SLCO1B1: variants seen among roughly 807,000 people sequenced by gnomAD.
SLCO1B1 encodes solute carrier organic anion transporter family member 1B1.
A neutral mutation model predicts 70.1 loss-of-function variants in SLCO1B1; 81 were observed. The ratio of observed to expected loss-of-function variants is 1.16; its 90% CI spans 0.97 to 1.39. The LOEUF (loss-of-function observed/expected upper bound fraction) is 1.39, where lower values mean the gene tolerates loss of function less well. Ranked by LOEUF, SLCO1B1 falls within the 40% of genes most tolerant of loss-of-function variation. The pLI, the probability that SLCO1B1 is intolerant of heterozygous loss-of-function variation, is 0.00. For synonymous variants in SLCO1B1, 283 were observed against 271.5 expected (o/e 1.04, Z -0.42); for missense variants, 895 against 799.6 (o/e 1.12, Z -1.44).
chr12:21,209,330 C>T (rs185714093), intron 11 of SLCO1B1, among the ~76,000 whole-genome samples: 2,496 of 151,818 alleles, frequency 0.016, 66 homozygotes, highest in African/African-American at 0.057. Context: ...GTTCTTGCAA[C>T]AGTTTACTGA....
intron 7 of SLCO1B1, among the ~76,000 whole-genome samples, chr12:21,186,446 G>C (rs113705801): frequency 0.069 from 10,437 of 151,914 alleles, 492 homozygotes; most frequent in Non-Finnish European, 0.1. Context: ...TGTGATTCTT[G>C]TGCGTTTTTA....
chr12:21,200,693 G>C (rs772419026), intron 9 of SLCO1B1, 21 bp downstream of exon 9: 6 of 1,600,546 alleles, frequency 3.7e-6, no homozygotes, highest in East Asian at 2.2e-5. Context: ...TTTTTTACTT[G>C]TGTGCTTAAT....
chr12:21,158,425 G>A lies in SLCO1B1; in HGVS notation c.85-14225G>A, dbSNP rs546810165. 5.7e-4 allele frequency among the ~76,000 whole-genome samples: 87 copies of A among 152,274 alleles called. No homozygotes were observed. In the Middle Eastern group the frequency reaches 0.01, roughly 18 times the overall value. ...AAATTTCTCACATTAGGCTAGGTGC[G>A]TGGCTCATGCCTGTAATCCCAGCAC... is the stretch of plus-strand genomic sequence containing the variant. On this transcript the variant is annotated intron_variant, in intron 2 of 14. Transcript: ENST00000256958.
At chr12:21,193,544 T>C (rs1036840430) in intron 7 of SLCO1B1, among the ~76,000 whole-genome samples, 2 of 152,212 alleles carry the variant, frequency 1.3e-5, no homozygotes, top group Non-Finnish European at 2.9e-5. Flanking sequence ...ACTTAAAAAA[T>C]CATTTTATAA....
At chr12:21,214,833 CT>C (rs1370894944) in intron 11 of SLCO1B1, among the ~76,000 whole-genome samples, 5 of 152,266 alleles carry the variant, frequency 3.3e-5, no homozygotes, top group East Asian at 1.9e-4. Flanking sequence ...TTTCCAGGTG[CT>C]GTCCGTCACC....
chr12:21,214,245 G>A (rs1941326682), intron 11 of SLCO1B1, among the ~76,000 whole-genome samples: 1 of 151,942 alleles, frequency 6.6e-6, no homozygotes, highest in Admixed American at 6.6e-5. Context: ...TTTTCGGTGT[G>A]GATGTCGTTT....
intron 1 of SLCO1B1, among the ~76,000 whole-genome samples, chr12:21,132,170 C>A (rs554026592): frequency 6.6e-6 from 1 of 152,138 alleles, no homozygotes; most frequent in Non-Finnish European, 1.5e-5. Flanking sequence ...ATAAACTCAT[C>A]ATTTTTATGG....
intron 11 of SLCO1B1, among the ~76,000 whole-genome samples, chr12:21,212,449 T>C (rs1014362697): frequency 7.0e-6 from 1 of 143,168 alleles, no homozygotes; most frequent in Non-Finnish European, 1.5e-5. Context: ...TAATTTCTGT[T>C]CTTTTCCATT....
chr12:21,191,921 G>A (rs973140545), intron 7 of SLCO1B1, among the ~76,000 whole-genome samples: 2 of 151,958 alleles, frequency 1.3e-5, no homozygotes, highest in African/African-American at 2.4e-5. Context: ...GTTACATTAC[G>A]CTTGGTGATA....
intron 8 of SLCO1B1, among the ~76,000 whole-genome samples, chr12:21,199,603 T>C (rs1369585543): frequency 6.6e-6 from 1 of 152,148 alleles, no homozygotes; most frequent in Non-Finnish European, 1.5e-5. Context: ...GTCTGAGTCC[T>C]CATACTAAAT....
At chr12:21,156,764 A>AT (rs1169094252) in intron 2 of SLCO1B1, among the ~76,000 whole-genome samples, 7 of 152,188 alleles carry the variant, frequency 4.6e-5, no homozygotes, top group African/African-American at 1.7e-4. Context: ...AAAGTGTTTT[A>AT]TAATTTTTCA....
chr12:21,179,884 A>C (rs1435432599), intron 7 of SLCO1B1, among the ~76,000 whole-genome samples: 1 of 152,036 alleles, frequency 6.6e-6, no homozygotes, highest in African/African-American at 2.4e-5. Context: ...TTTCCAGCTG[A>C]ATCCTTTTTT....
intron 14 of SLCO1B1, among the ~76,000 whole-genome samples, chr12:21,233,992 T>G (rs1355381694): frequency 6.6e-6 from 1 of 152,186 alleles, no homozygotes; most frequent in Admixed American, 6.5e-5. Flanking sequence ...TCAAGAAAGA[T>G]CTTACTTATC....
intron 2 of SLCO1B1, among the ~76,000 whole-genome samples, chr12:21,144,041 A>G (rs758038240): frequency 6.6e-6 from 1 of 152,010 alleles, no homozygotes; most frequent in East Asian, 1.9e-4. Flanking sequence ...CTTCTCCTCA[A>G]TTTTTGTACT....
At chr12:21,238,591 G>C (rs990710670) in intron 14 of SLCO1B1, among the ~76,000 whole-genome samples, 6 of 151,934 alleles carry the variant, frequency 3.9e-5, no homozygotes, top group African/African-American at 7.3e-5. Flanking sequence ...TGCTGGAGAA[G>C]GGGTAGCATT....
intron 7 of SLCO1B1, among the ~76,000 whole-genome samples, chr12:21,183,249 G>A (rs531344651): frequency 7.2e-5 from 11 of 152,292 alleles, no homozygotes; most frequent in Admixed American, 6.5e-4. Flanking sequence ...AGGCTAGAGC[G>A]CAGAGAAGCA....
At chr12:21,190,045 G>A (rs1449261838) in intron 7 of SLCO1B1, among the ~76,000 whole-genome samples, 1 of 152,146 alleles carries the variant, frequency 6.6e-6, no homozygotes, top group African/African-American at 2.4e-5. Flanking sequence ...AAGCTATAGG[G>A]AAGGAAGCAG....
chr12:21,172,825 T>C, intron 3 of SLCO1B1, 34 bp downstream of exon 3: 1 of 1,588,310 alleles, frequency 6.3e-7, no homozygotes, highest in Non-Finnish European at 8.6e-7. Flanking sequence ...TAACCAAACT[T>C]GCAAAGTTAA....
At position 21,200,644 on chromosome 12, in the gene SLCO1B1, G is replaced by C. The variant is rs377208842; in HGVS notation, c.1107G>C (p.Gln369His). The C allele has an allele frequency of 1.2e-6, 2 of 1,612,210 alleles. No individual in the cohort carries two copies. Among genetic ancestry groups the C allele is most frequent in the Non-Finnish European group, 1.7e-6 (2 of 1,179,048 alleles). ...VFKYVEQQYG[Q>H]PSSKANILLG... ...AATACGTAGAGCAACAGTATGGTCA[G>C]CCTTCATCTAAGGCTAACATCTTAT... The change falls in exon 9 of 15, where the codon CAG (glutamine) becomes CAC (histidine). Residue 369 changes from glutamine to histidine, a missense_variant. Physicochemically the swap from Gln to His is conservative, Grantham distance 24 (BLOSUM62 0). Transcript: ENST00000256958.
Sources: gnomAD v4.1 joint callset for allele counts (sites outside exome capture counted in the v4.1 genomes callset) on GRCh38, gnomAD v4.1.1 for gene constraint, MANE v1.5 for transcripts, NCBI Gene and HGNC (gene_info 2026-07-23, HGNC 2026-07-21) for gene names.